PRDX6: variants seen among roughly 807,000 people sequenced by gnomAD.
The protein encoded by PRDX6 is peroxiredoxin 6.
In PRDX6, 13 loss-of-function variants were observed where a neutral mutation model predicts 20.0. The ratio of observed to expected loss-of-function variants is 0.65; its 90% confidence interval spans 0.42 to 1.03. PRDX6 has a LOEUF of 1.03. Among genes scored for constraint, PRDX6 ranks in the 50% least tolerant of loss-of-function variants. The pLI is 0.00. For missense variants in PRDX6, 203 were observed against 276.9 expected (o/e 0.73, Z 1.89); for synonymous variants, 85 against 100.8 (o/e 0.84, Z 0.94).
intron 1 of PRDX6, chr1:173,481,116 T>G: frequency 1.9e-6 from 1 of 521,632 alleles, no homozygotes. Flanking sequence ...TTTCATGTCT[T>G]TGATTGAATT....
chr1:173,478,144 G>A (rs1658736869), intron 1 of PRDX6, among the ~76,000 whole-genome samples: 1 of 152,222 alleles, frequency 6.6e-6, no homozygotes, highest in Non-Finnish European at 1.5e-5. Flanking sequence ...GTGGCCGAAA[G>A]ACTTTTTGTC....
At chr1:173,484,843 T>C (rs1411544113) in intron 2 of PRDX6, among the ~76,000 whole-genome samples, 21 of 142,654 alleles carry the variant, frequency 1.5e-4, no homozygotes, top group Admixed American at 1.4e-3. Flanking sequence ...GTTTTGTGAT[T>C]TGTTTTTTTT....
At chr1:173,484,282 G>C (rs990261737) in intron 2 of PRDX6, among the ~76,000 whole-genome samples, 1 of 149,460 alleles carries the variant, frequency 6.7e-6, no homozygotes, top group Non-Finnish European at 1.5e-5. Flanking sequence ...CTGATTCCTA[G>C]AATGCCTTTC....
intron 4 of PRDX6, among the ~76,000 whole-genome samples, chr1:173,487,147 A>G (rs1658915149): frequency 6.6e-6 from 1 of 152,242 alleles, no homozygotes; most frequent in African/African-American, 2.4e-5. Flanking sequence ...AGTGGTGATA[A>G]CAGGTGCTAC....
At chr1:173,479,372 C>T (rs758506250) in intron 1 of PRDX6, among the ~76,000 whole-genome samples, 2 of 152,122 alleles carry the variant, frequency 1.3e-5, no homozygotes, top group African/African-American at 2.4e-5. Context: ...TGGATTTTTG[C>T]CTGATTTTTC....
chr1:173,486,495 C>A, intron 4 of PRDX6, 94 bp downstream of exon 4: 1 of 1,308,446 alleles, frequency 7.6e-7, no homozygotes, highest in Non-Finnish European at 1.0e-6. Flanking sequence ...GTTTCTAGCA[C>A]GCAAGTACAC....
At chr1:173,477,605 C>T in intron 1 of PRDX6, 113 bp downstream of exon 1, 5 of 880,172 alleles carry the variant, frequency 5.7e-6, no homozygotes, top group Admixed American at 4.8e-5. Context: ...CTGCGCCGCC[C>T]TCGCCTTCCC....
intron 2 of PRDX6, among the ~76,000 whole-genome samples, 176 bp from the exon 3 acceptor site, chr1:173,485,185 G>A (rs1658876429): frequency 6.6e-6 from 1 of 152,096 alleles, no homozygotes; most frequent in South Asian, 2.1e-4. Flanking sequence ...GTTATTCCTG[G>A]CAATAATTGG....
In PRDX6 at chr1:173,487,873, A is replaced by C. The variant is rs745415172; in HGVS notation, c.*10A>C. ...CACACCCCAGCCTTAAGTCTCTTGG[A>C]GAAGCTGGTGCTGTGAGCCAGAGGA... On this transcript the variant is annotated 3_prime_UTR_variant, in exon 5 of 5. Coordinates refer to ENST00000340385, the MANE Select transcript of PRDX6 (RefSeq NM_004905.3). 2.5e-6 allele frequency: 4 copies of C among 1,612,176 alleles called. No individual in the cohort carries two copies. Among genetic ancestry groups the C allele is most frequent in the Non-Finnish European group, 2.5e-6 (3 of 1,179,878 alleles).
chr1:173,480,555 T>C (rs996108178), intron 1 of PRDX6, among the ~76,000 whole-genome samples: 2 of 152,240 alleles, frequency 1.3e-5, no homozygotes, highest in African/African-American at 4.8e-5. Context: ...GACTTAGATA[T>C]TAGTATTTAC....
In PRDX6 at chr1:173,481,351, C is replaced by T. The variant is rs1259365363; in HGVS notation, c.121C>T (p.Arg41Trp). 6 of 1,613,624 alleles carry T rather than the reference C, an allele frequency of 3.7e-6. No homozygotes were observed. Among genetic ancestry groups the T allele is most frequent in the Admixed American group, 1.7e-5 (1 of 59,986 alleles). ...ATGGGGCATTCTCTTCTCCCACCCT[C>T]GGGACTTTACCCCAGTGTGCACCAC... ...DSWGILFSHP[R>W]DFTPVCTTEL... The change falls in exon 2 of 5, where the codon CGG becomes TGG. Residue 41 changes from arginine to tryptophan, a missense_variant. Physicochemically the swap from Arg to Trp is moderately radical, Grantham distance 101 (BLOSUM62 -3). Transcript: ENST00000340385.
chr1:173,478,768 C>A (rs1658751463), intron 1 of PRDX6, among the ~76,000 whole-genome samples: 1 of 152,188 alleles, frequency 6.6e-6, no homozygotes, highest in Admixed American at 6.5e-5. Flanking sequence ...CAGATTCTTA[C>A]ACATCATATG....
intron 1 of PRDX6, among the ~76,000 whole-genome samples, chr1:173,480,226 C>T (rs184858285): frequency 1.7e-4 from 26 of 152,284 alleles, no homozygotes; most frequent in African/African-American, 6.0e-4. Context: ...CTTTTTCCTT[C>T]TTGAAACCTT....
At chr1:173,482,470 A>ATCAGTCAATATTTGTTGAATGAAT (rs1315547246) in intron 2 of PRDX6, among the ~76,000 whole-genome samples, 4 of 152,202 alleles carry the variant, frequency 2.6e-5, no homozygotes, top group Non-Finnish European at 5.9e-5. Context: ...ATCCTAGGCG[A>ATCAGTCAATATTTGTTGAATGAAT]TCAGTCAATA....
intron 2 of PRDX6, chr1:173,482,061 T>C (rs1202346676): frequency 1.3e-5 from 2 of 152,550 alleles, no homozygotes; most frequent in East Asian, 3.8e-4. Flanking sequence ...TCATCTAAGC[T>C]AATGGCAACT....
chr1:173,487,824 A>C lies in PRDX6; in HGVS notation c.636A>C (p.Pro212=). 3.1e-6 allele frequency: 5 copies of C among 1,613,660 alleles called. No individual in the cohort carries two copies. The highest frequency in any genetic ancestry group is 4.2e-6 in the Non-Finnish European group (5 of 1,180,018). The change falls in exon 5 of 5, where the codon CCA becomes CCC. Residue 212 remains proline (P), a synonymous_variant. Coordinates refer to ENST00000340385, the MANE Select transcript of PRDX6 (RefSeq NM_004905.3). ...AAGGAGTCTTCACCAAAGAGCTCCC[A>C]TCTGGCAAGAAATACCTCCGCTACA... ...FPKGVFTKEL[P]SGKKYLRYTP...
At chr1:173,477,641 GC>G (rs1471934335) in intron 1 of PRDX6, 149 bp downstream of exon 1, 1 of 664,148 alleles carries the variant, frequency 1.5e-6, no homozygotes, top group African/African-American at 1.9e-5. Context: ...CGCGCGCCAG[GC>G]CGTGTGGCCT....
chr1:173,482,633 A>T (rs1362358274), intron 2 of PRDX6, among the ~76,000 whole-genome samples: 1 of 152,178 alleles, frequency 6.6e-6, no homozygotes, highest in Non-Finnish European at 1.5e-5. Context: ...TTTTTGAGGG[A>T]TGTATACTAG....
intron 2 of PRDX6, among the ~76,000 whole-genome samples, chr1:173,483,780 T>C (rs939626056): frequency 3.9e-5 from 6 of 152,248 alleles, no homozygotes; most frequent in African/African-American, 1.4e-4. Flanking sequence ...ATCAATAGTT[T>C]ATGTACAGAG....
Sources: allele counts gnomAD v4.1 joint callset (sites outside exome capture counted in the v4.1 genomes callset), GRCh38; gene constraint gnomAD v4.1.1; transcripts MANE v1.5; gene names NCBI Gene and HGNC (gene_info 2026-07-23, HGNC 2026-07-21).